SPATA6: variants seen among roughly 807,000 people sequenced by gnomAD.
SPATA6 encodes spermatogenesis-associated protein 6.
In SPATA6, 56 loss-of-function variants were observed where a neutral mutation model predicts 65.3. That is an observed-to-expected ratio of 0.86 (90% CI 0.69 to 1.07). The LOEUF (loss-of-function observed/expected upper bound fraction) is 1.07. Among genes scored for constraint, SPATA6 ranks in the 50% least tolerant of loss-of-function variants. The pLI, the probability that SPATA6 is intolerant of heterozygous loss-of-function variation, is 0.00. For missense variants in SPATA6, 590 were observed against 594.8 expected (o/e 0.99, Z 0.08); for synonymous variants, 199 against 213.2 (o/e 0.93, Z 0.58).
At chr1:48,414,836 G>C (rs1652607977) in intron 3 of SPATA6, among the ~76,000 whole-genome samples, 1 of 152,108 alleles carries the variant, frequency 6.6e-6, no homozygotes, top group Admixed American at 6.5e-5. Context: ...AGTTTGAAGA[G>C]ACTGAACAAG....
chr1:48,301,827 T>C (rs1644946545), intron 12 of SPATA6, among the ~76,000 whole-genome samples: 1 of 152,106 alleles, frequency 6.6e-6, no homozygotes, highest in African/African-American at 2.4e-5. Context: ...GATATTCATA[T>C]GCAAAAAAAT....
At chr1:48,445,659 CAAAAAAAAA>C (rs10632587) in intron 3 of SPATA6, among the ~76,000 whole-genome samples, 2 of 51,274 alleles carry the variant, frequency 3.9e-5, no homozygotes, top group East Asian at 8.3e-4. Context: ...GACTCTGTCT[CAAAAAAAAA>C]AAAAAAAAAA....
At chr1:48,405,762 A>G (rs899271926) in intron 5 of SPATA6, among the ~76,000 whole-genome samples, 13 of 152,124 alleles carry the variant, frequency 8.5e-5, no homozygotes, top group Admixed American at 7.9e-4. Context: ...TCCAAACTCA[A>G]TGACAGAGTA....
chr1:48,430,051 G>A (rs2148054425), intron 3 of SPATA6, among the ~76,000 whole-genome samples: 1 of 152,264 alleles, frequency 6.6e-6, no homozygotes, highest in East Asian at 1.9e-4. Context: ...GGAGGAAAGA[G>A]AGAGAAAGGA....
intron 3 of SPATA6, among the ~76,000 whole-genome samples, chr1:48,417,317 A>C (rs985642440): frequency 6.6e-6 from 1 of 152,218 alleles, no homozygotes; most frequent in South Asian, 2.1e-4. Context: ...CAATGTTATA[A>C]TCTGTTTTTT....
chr1:48,467,907 T>A (rs956456021), intron 1 of SPATA6, among the ~76,000 whole-genome samples: 5 of 152,144 alleles, frequency 3.3e-5, no homozygotes, highest in Non-Finnish European at 7.4e-5. Flanking sequence ...TTGGAAAGAA[T>A]GTGGAGAAAG....
chr1:48,322,463 A>T (rs999670968), intron 11 of SPATA6, among the ~76,000 whole-genome samples: 2 of 152,262 alleles, frequency 1.3e-5, no homozygotes, highest in Admixed American at 1.3e-4. Flanking sequence ...AACCATAAAA[A>T]CCCTAGAGGA....
chr1:48,453,700 A>G (rs1656780235), intron 1 of SPATA6, among the ~76,000 whole-genome samples: 1 of 152,158 alleles, frequency 6.6e-6, no homozygotes, highest in Non-Finnish European at 1.5e-5. Flanking sequence ...AAGTGCATAT[A>G]CCTTAACTGT....
intron 3 of SPATA6, among the ~76,000 whole-genome samples, chr1:48,445,961 G>A (rs934301621): frequency 1.7e-4 from 26 of 152,206 alleles, no homozygotes; most frequent in Non-Finnish European, 2.4e-4. Context: ...AATCAAGACC[G>A]AGCCTCAAAA....
At chr1:48,373,939 C>T (rs565695952) in intron 9 of SPATA6, among the ~76,000 whole-genome samples, 1 of 152,182 alleles carries the variant, frequency 6.6e-6, no homozygotes, top group Non-Finnish European at 1.5e-5. Flanking sequence ...GGGGACACAG[C>T]CAAACATATC....
At chr1:48,309,590 A>G (rs1645148849) in intron 11 of SPATA6, among the ~76,000 whole-genome samples, 1 of 152,184 alleles carries the variant, frequency 6.6e-6, no homozygotes, top group Non-Finnish European at 1.5e-5. Flanking sequence ...GAATAACTAT[A>G]TTTAACATAA....
chr1:48,343,383 C>A (rs1570217326), intron 11 of SPATA6, among the ~76,000 whole-genome samples: 1 of 151,876 alleles, frequency 6.6e-6, no homozygotes, highest in Non-Finnish European at 1.5e-5. Flanking sequence ...TGTTAAAGAA[C>A]AAAATATTAT....
chr1:48,357,569 A>C (rs1300740843), intron 10 of SPATA6, among the ~76,000 whole-genome samples: 1 of 152,120 alleles, frequency 6.6e-6, no homozygotes, highest in Non-Finnish European at 1.5e-5. Context: ...CATCCACGCA[A>C]AACTTCCAAT....
chr1:48,398,678 A>G (rs929167372), intron 7 of SPATA6, among the ~76,000 whole-genome samples: 2 of 151,802 alleles, frequency 1.3e-5, no homozygotes, highest in African/African-American at 4.8e-5. Context: ...TCAGGAAACT[A>G]TGAAGATTCT....
At chr1:48,281,666 T>C in the SPATA6 span, among the ~76,000 whole-genome samples, 3 of 151,444 alleles carry the variant, frequency 2.0e-5, no homozygotes, top group Non-Finnish European at 2.9e-5. Flanking sequence ...TACAAACCAC[T>C]GCTCAATGAA....
chr1:48,299,922 C>T (rs1237415745), intron 12 of SPATA6, among the ~76,000 whole-genome samples: 1 of 152,022 alleles, frequency 6.6e-6, no homozygotes, highest in Admixed American at 6.6e-5. Flanking sequence ...ATTAGGCTAA[C>T]TGTGAACATT....
intron 11 of SPATA6, chr1:48,325,371 CT>C: frequency 7.3e-7 from 1 of 1,377,836 alleles, no homozygotes; most frequent in Non-Finnish European, 1.0e-6. Context: ...CTGCATGCGC[CT>C]TCTCCCTGAT....
intron 3 of SPATA6, among the ~76,000 whole-genome samples, chr1:48,430,909 A>T (rs537283544): frequency 6.6e-6 from 1 of 152,202 alleles, no homozygotes; most frequent in African/African-American, 2.4e-5. Context: ...GCAAAATGAA[A>T]TAAGTCTCTA....
the SPATA6 span, among the ~76,000 whole-genome samples, chr1:48,288,094 T>C: frequency 6.6e-6 from 1 of 152,236 alleles, no homozygotes; most frequent in Non-Finnish European, 1.5e-5. Flanking sequence ...TGTTAATGTA[T>C]CTCACATTGA....
Sources: gnomAD v4.1 joint callset for allele counts (sites outside exome capture counted in the v4.1 genomes callset) on GRCh38, gnomAD v4.1.1 for gene constraint, MANE v1.5 for transcripts, NCBI Gene and HGNC (gene_info 2026-07-23, HGNC 2026-07-21) for gene names.